Variants in HDAC9 observed in about 807,000 individuals in gnomAD.
HDAC9 encodes MEF-2 interacting transcription repressor (MITR) protein.
HDAC9 carries 41 observed loss-of-function variants against 139.4 expected under a neutral mutation model. That is an observed-to-expected ratio of 0.29 (90% confidence interval 0.23 to 0.38). The LOEUF (loss-of-function observed/expected upper bound fraction) is 0.38. Among genes scored for constraint, HDAC9 ranks in the 10% least tolerant of loss-of-function variants. HDAC9 has a pLI of 1.00. For synonymous variants in HDAC9, 517 were observed against 476.2 expected (o/e 1.09, Z -1.12); for missense variants, 1,147 against 1,297.0 (o/e 0.88, Z 1.78).
At chr7:18,826,209 A>G (rs546306370) in intron 17 of HDAC9, among the ~76,000 whole-genome samples, 3 of 152,236 alleles carry the variant, frequency 2.0e-5, no homozygotes, top group East Asian at 1.9e-4. Context: ...TTTTTACAAG[A>G]AAGTATTGTG....
chr7:18,180,432 C>G (rs1310020711), intron 2 of HDAC9, among the ~76,000 whole-genome samples: 1 of 151,462 alleles, frequency 6.6e-6, no homozygotes, highest in Non-Finnish European at 1.5e-5. Flanking sequence ...TCCAAATCAG[C>G]TAAGTCACTG....
intron 16 of HDAC9, among the ~76,000 whole-genome samples, chr7:18,790,023 A>G (rs985856870): frequency 4.6e-5 from 7 of 152,278 alleles, no homozygotes; most frequent in African/African-American, 1.7e-4. Flanking sequence ...GTGGATATGG[A>G]TGTTCTTCTA....
chr7:18,429,901 A>T (rs1382553466), intron 1 of HDAC9, among the ~76,000 whole-genome samples: 1 of 152,250 alleles, frequency 6.6e-6, no homozygotes, highest in African/African-American at 2.4e-5. Flanking sequence ...TTTCAGTTAC[A>T]TTCAACCAGC....
chr7:18,762,422 G>A lies in HDAC9; in HGVS notation c.2164+145G>A, dbSNP rs137862667. 710 of 755,492 alleles carry A rather than the reference G, an allele frequency of 9.4e-4. 1 individual carries two copies. In the East Asian group the frequency reaches 9.9e-3, roughly 11 times the overall value. 46.8% of individuals were successfully genotyped at this position (755,492 alleles called of 1,614,324 possible). A position where few individuals can be genotyped will look rare whatever the true frequency, so the allele number is the denominator to read the frequency against. ...CTTTGCTCTGTGGAGTGAGTCATTTGCAACAGAAGCCATTGTAGATTAAGA... is the reference window on the plus strand; with the variant it reads ...CTTTGCTCTGTGGAGTGAGTCATTTACAACAGAAGCCATTGTAGATTAAGA... On this transcript the variant is annotated intron_variant, in intron 15 of 25. Transcript: ENST00000686413.
At chr7:18,651,468 A>G (rs183377302) in intron 11 of HDAC9, among the ~76,000 whole-genome samples, 25 of 152,266 alleles carry the variant, frequency 1.6e-4, no homozygotes, top group Admixed American at 1.4e-3. Context: ...TATAAGTAGG[A>G]TTATTTCTAA....
chr7:18,555,589 A>C (rs1818548342), intron 2 of HDAC9, among the ~76,000 whole-genome samples: 1 of 152,144 alleles, frequency 6.6e-6, no homozygotes, highest in African/African-American at 2.4e-5. Flanking sequence ...AGACACAAAC[A>C]CACAGATGTG....
chr7:18,124,071 C>T (rs1424181001), intron 1 of HDAC9, among the ~76,000 whole-genome samples: 2 of 152,146 alleles, frequency 1.3e-5, no homozygotes, highest in Non-Finnish European at 2.9e-5. Flanking sequence ...TCACAGCCTG[C>T]CCCAAACTAA....
chr7:18,832,069 C>T (rs3852257), intron 19 of HDAC9, among the ~76,000 whole-genome samples: 49,412 of 152,050 alleles, frequency 0.32, 8,307 homozygotes, highest in South Asian at 0.49. Flanking sequence ...ATGTTCCTTT[C>T]TGAGGCAGAT....
At position 18,442,570 on chromosome 7, in the gene HDAC9, G is replaced by C. The variant is rs150223532; in HGVS notation, c.-41-53692G>C. On this transcript the variant is annotated intron_variant, in intron 1 of 3. Transcript: ENST00000413509. ...CAAAATCAGTCGGATATCTTAGCCT[G>C]CATTGGATCCTCCATTGTCTGAAAT... is the stretch of plus-strand genomic sequence containing the variant. Among the ~76,000 whole-genome samples the C allele has an allele frequency of 1.2e-3, 190 of 152,256 alleles. 1 individual carries two copies. The highest frequency in any genetic ancestry group is 6.8e-3 in the Middle Eastern group (2 of 294).
intron 1 of HDAC9, among the ~76,000 whole-genome samples, chr7:18,312,916 G>A (rs900793308): frequency 1.3e-5 from 2 of 152,036 alleles, no homozygotes; most frequent in African/African-American, 2.4e-5. Context: ...ATTTCTAGAA[G>A]GAGAAATATT....
intron 21 of HDAC9, among the ~76,000 whole-genome samples, chr7:18,864,724 G>A (rs1451105685): frequency 1.3e-5 from 2 of 152,048 alleles, no homozygotes; most frequent in African/African-American, 4.8e-5. Context: ...TTGGAATGGT[G>A]GTTGCCAGGG....
intron 1 of HDAC9, among the ~76,000 whole-genome samples, chr7:18,092,490 T>C (rs1334723246): frequency 1.3e-5 from 2 of 151,958 alleles, no homozygotes; most frequent in Non-Finnish European, 1.5e-5. Flanking sequence ...CAAATCCCTC[T>C]GCAGAATTTG....
chr7:18,109,459 G>T (rs1381329413), intron 1 of HDAC9, among the ~76,000 whole-genome samples: 1 of 152,130 alleles, frequency 6.6e-6, no homozygotes, highest in Non-Finnish European at 1.5e-5. Flanking sequence ...AAGTAGATGG[G>T]ATGTAAACCC....
intron 1 of HDAC9, among the ~76,000 whole-genome samples, chr7:18,110,349 CAG>C (rs1562629760): frequency 6.6e-6 from 1 of 152,132 alleles, no homozygotes; most frequent in Non-Finnish European, 1.5e-5. Flanking sequence ...ATAAAAGCTA[CAG>C]AGTGTTATCA....
chr7:18,461,470 T>G (rs1265929598), intron 1 of HDAC9, among the ~76,000 whole-genome samples: 4 of 152,206 alleles, frequency 2.6e-5, no homozygotes, highest in African/African-American at 9.6e-5. Context: ...ATCCAATATT[T>G]CCTAAAATGT....
chr7:18,164,230 C>A (rs1222971441), intron 2 of HDAC9, among the ~76,000 whole-genome samples: 2 of 151,876 alleles, frequency 1.3e-5, no homozygotes, highest in Non-Finnish European at 2.9e-5. Context: ...CTATTTATTG[C>A]AAGTAAAAAA....
chr7:18,424,239 A>G (rs1789906661), intron 1 of HDAC9, among the ~76,000 whole-genome samples: 1 of 152,206 alleles, frequency 6.6e-6, no homozygotes, highest in African/African-American at 2.4e-5. Context: ...CCCCTTCACC[A>G]GTGTAGTGAA....
chr7:18,584,140 C>CTTTT (rs3084518), intron 2 of HDAC9, among the ~76,000 whole-genome samples: 34,025 of 106,770 alleles, frequency 0.32, 6,695 homozygotes, highest in East Asian at 0.54. Flanking sequence ...AAGCAGCATT[C>CTTTT]TTTTTTTTTT....
chr7:18,302,120 G>A (rs1312438757), intron 1 of HDAC9, among the ~76,000 whole-genome samples: 1 of 152,176 alleles, frequency 6.6e-6, no homozygotes, highest in Non-Finnish European at 1.5e-5. Flanking sequence ...GTTTAAGGGT[G>A]CAAGTCATAC....
Sources: allele counts gnomAD v4.1 joint callset (sites outside exome capture counted in the v4.1 genomes callset), GRCh38; gene constraint gnomAD v4.1.1; transcripts MANE v1.5; gene names NCBI Gene and HGNC (gene_info 2026-07-23, HGNC 2026-07-21).